GRID2: variants seen among roughly 807,000 people sequenced by gnomAD.
GRID2 encodes the protein glutamate receptor ionotropic, delta-2.
Under a neutral mutation model 114.8 loss-of-function variants are expected in GRID2, and 33 were observed. The observed-to-expected ratio is 0.29, with a 90% CI of 0.22 to 0.38. The LOEUF (loss-of-function observed/expected upper bound fraction) is 0.38. Among genes scored for constraint, GRID2 ranks in the 10% least tolerant of loss-of-function variants. The pLI is 1.00. For missense variants in GRID2, 1,184 were observed against 1,257.7 expected (o/e 0.94, Z 0.89); for synonymous variants, 505 against 449.9 (o/e 1.12, Z -1.55).
chr4:93,337,035 G>T (rs778040029), intron 8 of GRID2, among the ~76,000 whole-genome samples: 10 of 152,042 alleles, frequency 6.6e-5, no homozygotes, highest in Non-Finnish European at 1.5e-4. Flanking sequence ...AATTATTTCA[G>T]TTTATATTAC....
At chr4:93,748,404 A>G (rs867381081) in intron 14 of GRID2, among the ~76,000 whole-genome samples, 4 of 152,300 alleles carry the variant, frequency 2.6e-5, no homozygotes, top group Middle Eastern at 3.4e-3. Flanking sequence ...TTTTTCATTC[A>G]GAAAGATTCA....
intron 1 of GRID2, among the ~76,000 whole-genome samples, chr4:92,558,584 A>C (rs1726973729): frequency 6.6e-6 from 1 of 152,166 alleles, no homozygotes. Context: ...CTGCTCCAAC[A>C]AGACATCCCT....
intron 2 of GRID2, among the ~76,000 whole-genome samples, chr4:92,637,760 T>C: frequency 6.6e-6 from 1 of 152,006 alleles, no homozygotes; most frequent in East Asian, 1.9e-4. Context: ...CAGCAGCTTT[T>C]ATTCTAACAT....
intron 2 of GRID2, among the ~76,000 whole-genome samples, chr4:93,056,189 T>G (rs1235127124): frequency 6.6e-6 from 1 of 151,978 alleles, no homozygotes; most frequent in Admixed American, 6.6e-5. Flanking sequence ...GAAAAGTATT[T>G]TGAAACATAA....
At chr4:92,356,813 G>A (rs1728350670) in intron 1 of GRID2, among the ~76,000 whole-genome samples, 1 of 151,692 alleles carries the variant, frequency 6.6e-6, no homozygotes. Flanking sequence ...TTTACAAAAA[G>A]CCAACCCAGA....
At chr4:92,995,164 C>A (rs1368963554) in intron 2 of GRID2, among the ~76,000 whole-genome samples, 1 of 152,108 alleles carries the variant, frequency 6.6e-6, no homozygotes, top group Non-Finnish European at 1.5e-5. Flanking sequence ...GACATTTCTT[C>A]CTTCTCAGTG....
At chr4:92,734,782 CT>C (rs568295644) in intron 2 of GRID2, among the ~76,000 whole-genome samples, 44 of 123,542 alleles carry the variant, frequency 3.6e-4, no homozygotes, top group East Asian at 9.7e-4. Flanking sequence ...TTTTTTTTTT[CT>C]TTTTTTTTTT....
At chr4:93,139,302 C>A (rs1017058919) in intron 4 of GRID2, among the ~76,000 whole-genome samples, 3 of 152,058 alleles carry the variant, frequency 2.0e-5, no homozygotes, top group African/African-American at 7.2e-5. Flanking sequence ...GGATCAGTGA[C>A]CACAGGACAT....
At chr4:92,562,826 GTTTT>G (rs1458468619) in intron 1 of GRID2, among the ~76,000 whole-genome samples, 1 of 152,044 alleles carries the variant, frequency 6.6e-6, no homozygotes, top group Admixed American at 6.6e-5. Context: ...ATATGTAATC[GTTTT>G]ACATACATCA....
At chr4:93,151,361 T>C (rs1449841194) in intron 4 of GRID2, among the ~76,000 whole-genome samples, 1 of 151,938 alleles carries the variant, frequency 6.6e-6, no homozygotes, top group Admixed American at 6.6e-5. Flanking sequence ...CCCATCCTTT[T>C]CCATCCCCTT....
At chr4:92,612,090 G>GA (rs1729779164) in intron 2 of GRID2, among the ~76,000 whole-genome samples, 1 of 151,278 alleles carries the variant, frequency 6.6e-6, no homozygotes, top group Non-Finnish European at 1.5e-5. Flanking sequence ...ATGTCTTCTA[G>GA]AAAATGCCTA....
intron 4 of GRID2, among the ~76,000 whole-genome samples, chr4:93,187,260 AT>A (rs1042147058): frequency 1.3e-5 from 2 of 152,040 alleles, no homozygotes; most frequent in African/African-American, 2.4e-5. Flanking sequence ...TTCCAGACGA[AT>A]AGCTCCAAAG....
intron 2 of GRID2, among the ~76,000 whole-genome samples, chr4:93,067,016 C>T (rs147008741): frequency 6.6e-6 from 1 of 151,944 alleles, no homozygotes; most frequent in East Asian, 1.9e-4. Context: ...GAATGGTATG[C>T]AATTTAAAGC....
At chr4:92,724,802 C>T (rs939461828) in intron 2 of GRID2, among the ~76,000 whole-genome samples, 3 of 152,052 alleles carry the variant, frequency 2.0e-5, no homozygotes, top group African/African-American at 7.2e-5. Context: ...GTAATTAAAA[C>T]AATAAGTACC....
chr4:92,493,282 C>G (rs1013360577), intron 1 of GRID2, among the ~76,000 whole-genome samples: 1 of 152,048 alleles, frequency 6.6e-6, no homozygotes, highest in South Asian at 2.1e-4. Context: ...CACAGACTCC[C>G]GACTCTACAA....
At chr4:93,663,971 G>A (rs1019582918) in intron 14 of GRID2, among the ~76,000 whole-genome samples, 1 of 152,148 alleles carries the variant, frequency 6.6e-6, no homozygotes, top group African/African-American at 2.4e-5. Flanking sequence ...TGCTACAAAG[G>A]ACAATATAAG....
At chr4:92,397,947 A>C (rs1730586334) in intron 1 of GRID2, among the ~76,000 whole-genome samples, 1 of 132,154 alleles carries the variant, frequency 7.6e-6, no homozygotes, top group South Asian at 2.6e-4. Flanking sequence ...TCACTTGCAA[A>C]TTTGTGTTCA....
At position 92,321,928 on chromosome 4, in the gene GRID2, G is replaced by T. The variant is rs1489110589; in HGVS notation, c.88+17184G>T. On this transcript the variant is annotated intron_variant, in intron 1 of 15. Coordinates refer to ENST00000282020, the MANE Select transcript of GRID2 (RefSeq NM_001510.4). ...AATTTTCAAAGTCTCAAATTTACCT[G>T]CTCCACCTCATCTGTTATATGGATA... Among the ~76,000 whole-genome samples the T allele has an allele frequency of 2.0e-5, 3 of 152,198 alleles. No individual in the cohort carries two copies. In the East Asian group the frequency reaches 5.8e-4, roughly 29 times the overall value.
Position 93,589,071 on chromosome 4 carries a change from T to A in GRID2, c.2194-37198T>A, listed in dbSNP as rs189367582. Reference sequence around the variant, plus strand: ...TTTATTTATTTTATTATTATTATACTTTAAGTTTTAGGGTACATGGGCACA... The same window carrying A: ...TTTATTTATTTTATTATTATTATACATTAAGTTTTAGGGTACATGGGCACA... On this transcript the variant is annotated intron_variant, in intron 13 of 15. Transcript: ENST00000282020. 4.0e-3 allele frequency among the ~76,000 whole-genome samples: 605 copies of A among 152,052 alleles called. 4 individuals carry two copies. Among genetic ancestry groups the A allele is most frequent in the African/African-American group, 0.014 (561 of 41,488 alleles).
Sources: allele counts gnomAD v4.1 joint callset (sites outside exome capture counted in the v4.1 genomes callset), GRCh38; gene constraint gnomAD v4.1.1; transcripts MANE v1.5; gene names NCBI Gene and HGNC (gene_info 2026-07-23, HGNC 2026-07-21).